The following FSTL5 variants were observed in gnomAD, a reference collection of about 807,000 sequenced individuals.
FSTL5 encodes follistatin-related protein 5.
FSTL5 carries 62 observed loss-of-function variants against 89.1 expected under a neutral mutation model. The observed-to-expected ratio is 0.70, with a 90% CI of 0.57 to 0.86. The LOEUF (loss-of-function observed/expected upper bound fraction) is 0.86, where lower values mean the gene tolerates loss of function less well. Among genes scored for constraint, FSTL5 ranks in the 40% least tolerant of loss-of-function variants. FSTL5 has a pLI of 0.00. For synonymous variants in FSTL5, 383 were observed against 346.2 expected (o/e 1.11, Z -1.18); for missense variants, 1,057 against 1,001.6 (o/e 1.06, Z -0.75).
At chr4:161,588,848 T>G (rs1195297449) in intron 7 of FSTL5, among the ~76,000 whole-genome samples, 5 of 152,058 alleles carry the variant, frequency 3.3e-5, no homozygotes, top group African/African-American at 1.2e-4. Context: ...AGAGCAGGTC[T>G]GAAGCTCCTC....
chr4:161,681,804 T>A (rs1737534719), intron 6 of FSTL5, among the ~76,000 whole-genome samples: 1 of 152,172 alleles, frequency 6.6e-6, no homozygotes, highest in Non-Finnish European at 1.5e-5. Context: ...GTGTATGTTG[T>A]CAAATTGCTT....
intron 2 of FSTL5, among the ~76,000 whole-genome samples, chr4:162,104,304 C>T (rs1260974271): frequency 1.3e-5 from 2 of 152,172 alleles, no homozygotes; most frequent in African/African-American, 4.8e-5. Flanking sequence ...TCCAACAGAG[C>T]TATAACACTC....
At chr4:161,413,968 T>TGCTA (rs1256312527) in intron 15 of FSTL5, among the ~76,000 whole-genome samples, 1 of 152,154 alleles carries the variant, frequency 6.6e-6, no homozygotes, top group Admixed American at 6.5e-5. Context: ...CTGGGTACCA[T>TGCTA]GCTAGCTACA....
intron 1 of FSTL5, among the ~76,000 whole-genome samples, chr4:162,114,312 A>C (rs1731552690): frequency 6.6e-6 from 1 of 152,188 alleles, no homozygotes; most frequent in Non-Finnish European, 1.5e-5. Context: ...GACCAGCTCA[A>C]GTTAAGAGAT....
chr4:161,995,219 GT>G (rs1490613100), intron 3 of FSTL5, among the ~76,000 whole-genome samples: 1 of 152,078 alleles, frequency 6.6e-6, no homozygotes, highest in East Asian at 1.9e-4. Flanking sequence ...TAATAATGGT[GT>G]TTTTATGCCA....
intron 7 of FSTL5, among the ~76,000 whole-genome samples, chr4:161,654,866 G>A (rs956587164): frequency 1.1e-4 from 17 of 152,082 alleles, no homozygotes; most frequent in Non-Finnish European, 2.2e-4. Context: ...TTTTCATCTT[G>A]TAGGATAATG....
intron 12 of FSTL5, among the ~76,000 whole-genome samples, chr4:161,493,225 A>C (rs1286877538): frequency 6.6e-6 from 1 of 151,742 alleles, no homozygotes; most frequent in African/African-American, 2.4e-5. Flanking sequence ...ATAATTATAT[A>C]TATTTCAATA....
At chr4:161,718,331 A>C (rs551697064) in intron 6 of FSTL5, among the ~76,000 whole-genome samples, 2 of 152,190 alleles carry the variant, frequency 1.3e-5, no homozygotes, top group African/African-American at 4.8e-5. Context: ...ATCTTGGGGC[A>C]ATTTGGAAGA....
At chr4:161,916,948 T>C (rs1273701965) in intron 4 of FSTL5, among the ~76,000 whole-genome samples, 1 of 152,010 alleles carries the variant, frequency 6.6e-6, no homozygotes, top group Non-Finnish European at 1.5e-5. Flanking sequence ...TTTTAATAAG[T>C]TTTTCTTTTT....
intron 12 of FSTL5, among the ~76,000 whole-genome samples, chr4:161,497,264 T>C (rs954038137): frequency 6.6e-6 from 1 of 152,136 alleles, no homozygotes; most frequent in Non-Finnish European, 1.5e-5. Context: ...TAATATAAAA[T>C]GAGTTTAATT....
At chr4:161,739,252 T>C (rs1185266816) in intron 6 of FSTL5, among the ~76,000 whole-genome samples, 1 of 152,120 alleles carries the variant, frequency 6.6e-6, no homozygotes, top group Admixed American at 6.6e-5. Context: ...AACGGGAAAT[T>C]TGGACACAGA....
chr4:162,102,948 G>T (rs762609027), intron 2 of FSTL5, among the ~76,000 whole-genome samples: 1 of 151,768 alleles, frequency 6.6e-6, no homozygotes, highest in African/African-American at 2.4e-5. Context: ...AAGGAAAGCA[G>T]CTCTATTTTG....
chr4:161,893,395 C>T (rs1733048759), intron 4 of FSTL5, among the ~76,000 whole-genome samples: 1 of 151,938 alleles, frequency 6.6e-6, no homozygotes, highest in Non-Finnish European at 1.5e-5. Flanking sequence ...TTCTATATTC[C>T]ATTCTAATAT....
At position 161,386,063 on chromosome 4, in the gene FSTL5, G is replaced by T; in HGVS notation, c.2228C>A (p.Ala743Glu). The T allele has an allele frequency of 6.2e-7, 1 of 1,614,012 alleles. No individual in the cohort carries two copies. Among genetic ancestry groups the T allele is most frequent in the Non-Finnish European group, 8.5e-7 (1 of 1,179,972 alleles). The part of the protein sequence containing the change: ...IYTNLHISDL[A>E]FQPSFTEAHQ... ...GGCTTCAGTAAAGGATGGTTGAAAT[G>T]CCAGATCAGATATGTGCAGATTTGT... The change falls in exon 16 of 16, where the codon GCA (alanine) becomes GAA (glutamate). Residue 743 changes from alanine (A) to glutamate (E), a missense_variant. Transcript: ENST00000306100.
chr4:161,443,680 T>C (rs1167732355), intron 15 of FSTL5, among the ~76,000 whole-genome samples: 1 of 151,954 alleles, frequency 6.6e-6, no homozygotes, highest in African/African-American at 2.4e-5. Context: ...CTGAGAGCGG[T>C]GCTGTCTTAA....
chr4:161,698,106 C>T (rs1022401798), intron 6 of FSTL5, among the ~76,000 whole-genome samples: 7 of 151,960 alleles, frequency 4.6e-5, no homozygotes, highest in African/African-American at 1.7e-4. Context: ...AGATTAGTGC[C>T]CTTATAAAAG....
chr4:161,416,940 G>C (rs372767262), intron 15 of FSTL5, among the ~76,000 whole-genome samples: 39 of 151,222 alleles, frequency 2.6e-4, no homozygotes, highest in African/African-American at 8.5e-4. Flanking sequence ...TATTCTAAAA[G>C]AAGCTCATCT....
At chr4:161,955,441 A>C (rs911848860) in intron 3 of FSTL5, among the ~76,000 whole-genome samples, 1 of 151,848 alleles carries the variant, frequency 6.6e-6, no homozygotes, top group Admixed American at 6.6e-5. Flanking sequence ...CTAAATAAAA[A>C]TAAAAACTAA....
chr4:161,423,969 G>T (rs965938048), intron 15 of FSTL5, among the ~76,000 whole-genome samples: 1 of 149,386 alleles, frequency 6.7e-6, no homozygotes, highest in Non-Finnish European at 1.5e-5. Flanking sequence ...AAGCTATTCT[G>T]CCTCAGCCTC....
Sources: gnomAD v4.1 joint callset for allele counts (sites outside exome capture counted in the v4.1 genomes callset) on GRCh38, gnomAD v4.1.1 for gene constraint, MANE v1.5 for transcripts, NCBI Gene and HGNC (gene_info 2026-07-23, HGNC 2026-07-21) for gene names.